Variants in RNF13 observed in about 807,000 individuals in gnomAD.
RNF13 encodes ring finger protein 13, also known as E3 ubiquitin-protein ligase RNF13.
In RNF13, 19 loss-of-function variants were observed where a neutral mutation model predicts 37.7. The observed-to-expected ratio is 0.50, with a 90% CI of 0.35 to 0.74. The LOEUF (loss-of-function observed/expected upper bound fraction) is 0.74, where lower values mean the gene tolerates loss of function less well. Among genes scored for constraint, RNF13 ranks in the 30% least tolerant of loss-of-function variants. The pLI, the probability that RNF13 is intolerant of heterozygous loss-of-function variation, is 0.01. For missense variants in RNF13, 375 were observed against 453.0 expected (o/e 0.83, Z 1.56); for synonymous variants, 144 against 157.8 (o/e 0.91, Z 0.65).
At chr3:149,844,237 T>C (rs966797860) in intron 1 of RNF13, among the ~76,000 whole-genome samples, 4 of 152,236 alleles carry the variant, frequency 2.6e-5, no homozygotes, top group Non-Finnish European at 4.4e-5. Flanking sequence ...GTTGTACTTA[T>C]GGCTGTGATT....
At chr3:149,851,684 C>T (rs1265259030) in intron 2 of RNF13, 2 of 152,052 alleles carry the variant, frequency 1.3e-5, no homozygotes, top group Non-Finnish European at 2.9e-5. Flanking sequence ...ATTTCTAGTA[C>T]ATCATTTTCA....
chr3:149,873,349 A>G (rs932334908), intron 4 of RNF13, among the ~76,000 whole-genome samples: 3 of 152,182 alleles, frequency 2.0e-5, no homozygotes, highest in Non-Finnish European at 4.4e-5. Context: ...ACACTTTGAA[A>G]ATTAGGGAAA....
intron 8 of RNF13, among the ~76,000 whole-genome samples, chr3:149,924,434 A>G (rs1385943499): frequency 2.0e-5 from 3 of 152,212 alleles, no homozygotes; most frequent in East Asian, 3.8e-4. Context: ...TCCATCATTC[A>G]GTAGAAGAGG....
chr3:149,934,564 A>C (rs1349259264), intron 8 of RNF13, among the ~76,000 whole-genome samples: 1 of 151,806 alleles, frequency 6.6e-6, no homozygotes, highest in East Asian at 1.9e-4. Flanking sequence ...GCTCAAAAAA[A>C]TTTTTAGATT....
chr3:149,873,558 C>T (rs1215549472), intron 4 of RNF13, among the ~76,000 whole-genome samples: 3 of 152,070 alleles, frequency 2.0e-5, no homozygotes. Flanking sequence ...GCCATACTGC[C>T]TACCTGAACT....
chr3:149,863,909 A>G (rs1724530932), intron 3 of RNF13, among the ~76,000 whole-genome samples: 1 of 151,204 alleles, frequency 6.6e-6, no homozygotes, highest in African/African-American at 2.4e-5. Flanking sequence ...GCAATTGTAG[A>G]GGACATGGAT....
At chr3:149,819,438 CTCACTT>C (rs150664643) in intron 1 of RNF13, among the ~76,000 whole-genome samples, 13,701 of 151,206 alleles carry the variant, frequency 0.091, 692 homozygotes, top group African/African-American at 0.14. Context: ...GATCATAATA[CTCACTT>C]TCATACTTTA....
intron 4 of RNF13, among the ~76,000 whole-genome samples, chr3:149,880,231 G>A (rs1307597435): frequency 6.6e-6 from 1 of 152,140 alleles, no homozygotes; most frequent in Non-Finnish European, 1.5e-5. Context: ...TTATTCTAAA[G>A]CCTTTATTTT....
At chr3:149,869,560 C>A (rs1261806921) in intron 3 of RNF13, among the ~76,000 whole-genome samples, 25 of 151,450 alleles carry the variant, frequency 1.7e-4, no homozygotes, top group Non-Finnish European at 1.0e-4. Flanking sequence ...GAGCCGAGAT[C>A]CCGCCACTGC....
intron 7 of RNF13, among the ~76,000 whole-genome samples, chr3:149,914,193 T>TA (rs1479492098): frequency 6.6e-6 from 1 of 152,160 alleles, no homozygotes; most frequent in Non-Finnish European, 1.5e-5. Context: ...CCCTTTTTTT[T>TA]ATTATTAAGC....
chr3:149,943,601 T>TTA (rs892577890), intron 8 of RNF13, among the ~76,000 whole-genome samples: 73 of 152,254 alleles, frequency 4.8e-4, no homozygotes, highest in African/African-American at 1.8e-3. Flanking sequence ...TTAGACAAAT[T>TTA]TAGTGACATG....
Position 149,873,989 on chromosome 3 carries a change from A to C in RNF13, c.321+1835A>C, listed in dbSNP as rs1412415993. 2.6e-5 allele frequency among the ~76,000 whole-genome samples: 4 copies of C among 152,316 alleles called. No individual in the cohort carries two copies. In the East Asian group the frequency reaches 5.8e-4, roughly 22 times the overall value. ...GTAATAGTCTTTTGCTTATGTGTCT[A>C]ATATATTCTTGAAAAACATGTACAT... On this transcript the variant is annotated intron_variant, in intron 4 of 9. Coordinates refer to ENST00000392894, the MANE Select transcript of RNF13 (RefSeq NM_183381.3).
intron 3 of RNF13, among the ~76,000 whole-genome samples, chr3:149,860,620 CA>C (rs1428055932): frequency 6.6e-6 from 1 of 151,940 alleles, no homozygotes; most frequent in African/African-American, 2.4e-5. Flanking sequence ...AAAATCAACT[CA>C]AGATGGATTA....
At chr3:149,849,097 C>CA (rs1722907918) in intron 2 of RNF13, among the ~76,000 whole-genome samples, 1 of 151,930 alleles carries the variant, frequency 6.6e-6, no homozygotes, top group Admixed American at 6.6e-5. Flanking sequence ...TTCTTTTACC[C>CA]AAAAAGAAAC....
At chr3:149,878,413 T>G (rs1713001630) in intron 4 of RNF13, among the ~76,000 whole-genome samples, 1 of 152,080 alleles carries the variant, frequency 6.6e-6, no homozygotes, top group South Asian at 2.1e-4. Flanking sequence ...TTCTGAGGAG[T>G]AGCTCTTCTC....
Position 149,961,446 on chromosome 3 carries a change from G to A in RNF13, c.*342G>A. The A allele has an allele frequency of 4.5e-6, 2 of 442,688 alleles. No individual in the cohort carries two copies. The highest frequency in any genetic ancestry group is 5.7e-5 in the Admixed American group (2 of 35,396). 27.4% of individuals were successfully genotyped at this position (442,688 alleles called of 1,614,324 possible). On this transcript the variant is annotated 3_prime_UTR_variant, in exon 10 of 10. Coordinates refer to ENST00000392894, the MANE Select transcript of RNF13 (RefSeq NM_183381.3). ...GTTTTGCGTTTTATACATGAGGTCA[G>A]TGCTACAGCCACCTAGCATGAACTA...
intron 1 of RNF13, among the ~76,000 whole-genome samples, chr3:149,818,601 C>G (rs1019960753): frequency 6.6e-6 from 1 of 152,064 alleles, no homozygotes; most frequent in African/African-American, 2.4e-5. Flanking sequence ...CCATATACCC[C>G]CTAGATTGAG....
chr3:149,819,850 G>T (rs544870217), intron 1 of RNF13, among the ~76,000 whole-genome samples: 2 of 152,154 alleles, frequency 1.3e-5, no homozygotes, highest in Admixed American at 1.3e-4. Flanking sequence ...TTAAGAGAAG[G>T]TGTTCCCTGA....
chr3:149,941,428 G>A (rs1464055666), intron 8 of RNF13, among the ~76,000 whole-genome samples: 2 of 151,896 alleles, frequency 1.3e-5, no homozygotes, highest in Non-Finnish European at 2.9e-5. Flanking sequence ...GCATTTCCCT[G>A]ATGATTAGTG....
Sources: allele counts gnomAD v4.1 joint callset (sites outside exome capture counted in the v4.1 genomes callset), GRCh38; gene constraint gnomAD v4.1.1; transcripts MANE v1.5; gene names NCBI Gene and HGNC (gene_info 2026-07-23, HGNC 2026-07-21).